The following EXOC6B variants were observed in gnomAD, a reference collection of about 807,000 sequenced individuals.
EXOC6B encodes SEC15 homolog B.
EXOC6B carries 54 observed loss-of-function variants against 113.5 expected under a neutral mutation model. That is an observed-to-expected ratio of 0.48 (90% CI 0.38 to 0.60). EXOC6B has a LOEUF of 0.60. EXOC6B is among the 20% of genes least tolerant of loss of function. EXOC6B has a pLI of 0.00. For missense variants in EXOC6B, 797 were observed against 977.5 expected, an observed-to-expected ratio of 0.82 and a Z score of 2.46; for synonymous variants, 357 against 339.0, an observed-to-expected ratio of 1.05 and a Z score of -0.58.
rs544368118 is a variant in EXOC6B, at chr2:72,424,776, G to A, written c.1980+40384C>T. The stretch of plus-strand genomic sequence containing the variant: ...AAATAGAAACATATCTAATTATCAG[G>A]ATTACTGATACACAGATAATTTGTT... On this transcript the variant is annotated intron_variant, in intron 18 of 21. Coordinates refer to ENST00000272427, the MANE Select transcript of EXOC6B (RefSeq NM_015189.3). Among the ~76,000 whole-genome samples the A allele has an allele frequency of 3.9e-5, 6 of 152,218 alleles. No homozygotes were observed. In the South Asian group the frequency reaches 1.2e-3, roughly 32 times the overall value.
intron 8 of EXOC6B, among the ~76,000 whole-genome samples, chr2:72,528,645 T>C (rs761050072): frequency 6.6e-6 from 1 of 152,138 alleles, no homozygotes; most frequent in Non-Finnish European, 1.5e-5. Context: ...GTATCTTTAC[T>C]GTGTTAAGTC....
chr2:72,250,661 G>A (rs910485690), intron 20 of EXOC6B, among the ~76,000 whole-genome samples: 3 of 151,784 alleles, frequency 2.0e-5, no homozygotes, highest in Non-Finnish European at 4.4e-5. Flanking sequence ...AGCATATTTG[G>A]CAAGAAAAGT....
chr2:72,589,594 C>A (rs1705803559), intron 6 of EXOC6B, among the ~76,000 whole-genome samples: 1 of 151,662 alleles, frequency 6.6e-6, no homozygotes, highest in South Asian at 2.1e-4. Flanking sequence ...ACGGGATATG[C>A]AGGTCTATCT....
At chr2:72,495,378 C>T in intron 15 of EXOC6B, 52 bp downstream of exon 15, 2 of 986,444 alleles carry the variant, frequency 2.0e-6, no homozygotes, top group South Asian at 3.3e-5. Flanking sequence ...TATGTAAATA[C>T]ATGGAGTCAC....
Position 72,743,462 on chromosome 2 carries a change from T to A in EXOC6B, c.114-1993A>T, listed in dbSNP as rs538925852. Among the ~76,000 whole-genome samples, 7 of 152,332 alleles carry A rather than the reference T, an allele frequency of 4.6e-5. No homozygotes were observed. In the South Asian group the frequency reaches 1.5e-3, roughly 32 times the overall value. ...TAAGTTCCAGCTACCCTGGCTTTTT[T>A]TAAAGCCTCTTCCCGCCTCAAGAAT... On this transcript the variant is annotated intron_variant, in intron 1 of 21. Coordinates refer to ENST00000272427, the MANE Select transcript of EXOC6B (RefSeq NM_015189.3).
chr2:72,532,844 A>T (rs964783513), intron 8 of EXOC6B, among the ~76,000 whole-genome samples: 3 of 151,924 alleles, frequency 2.0e-5, no homozygotes, highest in Non-Finnish European at 4.4e-5. Context: ...AAAAAAAAAC[A>T]ATGCTTTTGA....
intron 20 of EXOC6B, among the ~76,000 whole-genome samples, chr2:72,248,901 C>T (rs1368542360): frequency 6.6e-6 from 1 of 152,166 alleles, no homozygotes; most frequent in Non-Finnish European, 1.5e-5. Context: ...TGTAGTGTTA[C>T]TGGCTTCCTG....
intron 7 of EXOC6B, among the ~76,000 whole-genome samples, chr2:72,559,722 T>C (rs1703779264): frequency 6.6e-6 from 1 of 152,038 alleles, no homozygotes; most frequent in Non-Finnish European, 1.5e-5. Flanking sequence ...ACCGTGAAGA[T>C]ATACACCAAG....
chr2:72,732,203 C>T (rs567761082), intron 3 of EXOC6B, among the ~76,000 whole-genome samples: 7 of 152,000 alleles, frequency 4.6e-5, no homozygotes, highest in Admixed American at 4.6e-4. Context: ...GCTGAGAGTG[C>T]AGTGGCGCAA....
At chr2:72,221,399 T>C (rs1248128350) in intron 20 of EXOC6B, among the ~76,000 whole-genome samples, 2 of 152,162 alleles carry the variant, frequency 1.3e-5, no homozygotes, top group African/African-American at 2.4e-5. Flanking sequence ...ATCCGCCTAT[T>C]TCATCTCCCT....
intron 21 of EXOC6B, among the ~76,000 whole-genome samples, chr2:72,183,269 C>A (rs1399093517): frequency 6.6e-6 from 1 of 152,184 alleles, no homozygotes; most frequent in African/African-American, 2.4e-5. Flanking sequence ...TAACTAGTTT[C>A]TCAGATTTCA....
At chr2:72,381,175 A>G (rs1206485299) in intron 18 of EXOC6B, among the ~76,000 whole-genome samples, 4 of 152,180 alleles carry the variant, frequency 2.6e-5, no homozygotes, top group African/African-American at 9.7e-5. Context: ...GTATTATTTT[A>G]CATATTTTGA....
chr2:72,746,005 T>C (rs529897417), intron 1 of EXOC6B, among the ~76,000 whole-genome samples: 1 of 152,236 alleles, frequency 6.6e-6, no homozygotes, highest in African/African-American at 2.4e-5. Context: ...TGAAATGATG[T>C]GGCCTTACAA....
intron 7 of EXOC6B, among the ~76,000 whole-genome samples, chr2:72,568,643 G>T (rs1346495425): frequency 6.6e-6 from 1 of 151,920 alleles, no homozygotes; most frequent in African/African-American, 2.4e-5. Context: ...AGCGTATATG[G>T]ATACCATATG....
chr2:72,598,365 A>G (rs545626679), intron 6 of EXOC6B, among the ~76,000 whole-genome samples: 1 of 152,158 alleles, frequency 6.6e-6, no homozygotes, highest in South Asian at 2.1e-4. Context: ...TGTAAACTAA[A>G]TAAAACCTAA....
intron 1 of EXOC6B, among the ~76,000 whole-genome samples, chr2:72,783,736 G>T (rs903143898): frequency 6.6e-6 from 1 of 152,032 alleles, no homozygotes; most frequent in Non-Finnish European, 1.5e-5. Context: ...TCTTCGTATA[G>T]TCTGGATATT....
At chr2:72,460,270 C>T (rs1697535348) in intron 18 of EXOC6B, among the ~76,000 whole-genome samples, 1 of 116,676 alleles carries the variant, frequency 8.6e-6, no homozygotes, top group East Asian at 1.9e-4. Flanking sequence ...AAAACCTAGG[C>T]AATACCATTC....
chr2:72,576,979 TG>T (rs1704912336), intron 6 of EXOC6B, among the ~76,000 whole-genome samples: 1 of 151,938 alleles, frequency 6.6e-6, no homozygotes, highest in Non-Finnish European at 1.5e-5. Flanking sequence ...GTTAATGAAA[TG>T]AAGATAAATA....
chr2:72,207,523 G>A (rs1479076576), intron 20 of EXOC6B, among the ~76,000 whole-genome samples: 2 of 152,176 alleles, frequency 1.3e-5, no homozygotes, highest in African/African-American at 4.8e-5. Context: ...GCCTTTTATG[G>A]AGTAAATGCT....
Sources: allele counts gnomAD v4.1 joint callset (sites outside exome capture counted in the v4.1 genomes callset), GRCh38; gene constraint gnomAD v4.1.1; transcripts MANE v1.5; gene names NCBI Gene and HGNC (gene_info 2026-07-23, HGNC 2026-07-21).